The following SUSD1 variants were observed in gnomAD, a reference collection of about 807,000 sequenced individuals.
SUSD1 encodes the protein sushi domain containing 1, also known as sushi domain-containing protein 1.
In SUSD1, 65 loss-of-function variants were observed where a neutral mutation model predicts 86.9. The observed-to-expected ratio is 0.75, with a 90% CI of 0.61 to 0.92. The LOEUF (loss-of-function observed/expected upper bound fraction) is 0.92. Ranked by LOEUF, SUSD1 falls within the 40% of genes least tolerant of loss-of-function variation. The pLI, the probability that SUSD1 is intolerant of heterozygous loss-of-function variation, is 0.00. For synonymous variants in SUSD1, 346 were observed against 350.0 expected (o/e 0.99, Z 0.13); for missense variants, 850 against 929.7 (o/e 0.91, Z 1.11).
intron 6 of SUSD1, among the ~76,000 whole-genome samples, chr9:112,117,858 A>G (rs1831393683): frequency 6.6e-6 from 1 of 152,214 alleles, no homozygotes; most frequent in Non-Finnish European, 1.5e-5. Context: ...ATGACAGCTG[A>G]AACTGGAACA....
chr9:112,156,264 C>T (rs1177626518), intron 2 of SUSD1, among the ~76,000 whole-genome samples: 1 of 151,990 alleles, frequency 6.6e-6, no homozygotes, highest in East Asian at 1.9e-4. Flanking sequence ...GAGTTCGAGA[C>T]CAGCCTGCCC....
chr9:112,061,622 C>T (rs751624368), intron 13 of SUSD1, among the ~76,000 whole-genome samples: 12 of 152,192 alleles, frequency 7.9e-5, no homozygotes, highest in Non-Finnish European at 1.5e-4. Flanking sequence ...TTTATAATGA[C>T]AGAATTACAA....
chr9:112,111,864 A>G, intron 7 of SUSD1, 24 bp from the exon 8 acceptor site: 1 of 1,609,462 alleles, frequency 6.2e-7, no homozygotes, highest in Non-Finnish European at 8.5e-7. Context: ...AGACAAGAGA[A>G]CCCACTCTGA....
intron 12 of SUSD1, among the ~76,000 whole-genome samples, chr9:112,070,392 G>A (rs181812794): frequency 6.6e-6 from 1 of 152,336 alleles, no homozygotes; most frequent in Non-Finnish European, 1.5e-5. Context: ...CACATTTCGA[G>A]GTGGAACAAA....
chr9:112,102,033 A>G (rs368875859), intron 9 of SUSD1, 143 bp downstream of exon 9: 14 of 485,786 alleles, frequency 2.9e-5, no homozygotes, highest in East Asian at 1.0e-4. Flanking sequence ...CCCATCTCAC[A>G]TCTTACATCC....
chr9:112,099,451 C>A (rs1381391073), intron 9 of SUSD1, among the ~76,000 whole-genome samples: 6 of 151,596 alleles, frequency 4.0e-5, no homozygotes, highest in African/African-American at 7.3e-5. Flanking sequence ...AAAAAAAAAA[C>A]AAAAACATAT....
At chr9:112,154,319 C>A in intron 2 of SUSD1, among the ~76,000 whole-genome samples, 1 of 146,774 alleles carries the variant, frequency 6.8e-6, no homozygotes, top group South Asian at 2.1e-4. Flanking sequence ...CAAAACCCCA[C>A]CTCCACACAC....
intron 15 of SUSD1, among the ~76,000 whole-genome samples, chr9:112,047,296 T>C (rs1827997723): frequency 1.3e-5 from 2 of 151,960 alleles, no homozygotes; most frequent in African/African-American, 4.8e-5. Context: ...AGCAAGGGGG[T>C]AATTCATTCC....
chr9:112,169,806 C>A (rs554214337), intron 1 of SUSD1, among the ~76,000 whole-genome samples: 2 of 151,934 alleles, frequency 1.3e-5, no homozygotes, highest in Admixed American at 6.6e-5. Context: ...TCCTGAGTAG[C>A]TGGGATTACA....
intron 6 of SUSD1, among the ~76,000 whole-genome samples, chr9:112,120,500 C>A (rs1831508930): frequency 6.6e-6 from 1 of 152,206 alleles, no homozygotes; most frequent in Non-Finnish European, 1.5e-5. Context: ...ATGAATTAAT[C>A]AGCATGTAAA....
intron 9 of SUSD1, among the ~76,000 whole-genome samples, chr9:112,100,910 T>C (rs1830608623): frequency 6.9e-6 from 1 of 144,230 alleles, no homozygotes; most frequent in African/African-American, 2.6e-5. Context: ...TCTATTTTTA[T>C]ACTTATTTAC....
At chr9:112,146,637 T>TA (rs144208795) in intron 3 of SUSD1, among the ~76,000 whole-genome samples, 229 of 144,288 alleles carry the variant, frequency 1.6e-3, no homozygotes, top group African/African-American at 4.0e-3. Context: ...CTTCCTAACT[T>TA]AAAAAAAAAA....
chr9:112,091,487 T>A (rs1830203412), intron 10 of SUSD1, among the ~76,000 whole-genome samples: 1 of 152,226 alleles, frequency 6.6e-6, no homozygotes, highest in South Asian at 2.1e-4. Flanking sequence ...CCTTGTAGGA[T>A]TTTTTAAAAC....
At chr9:112,112,001 GC>G in intron 7 of SUSD1, 161 bp from the exon 8 acceptor site, 1 of 666,962 alleles carries the variant, frequency 1.5e-6, no homozygotes, top group Non-Finnish European at 2.5e-6. Context: ...AGTCTGATCA[GC>G]CCAGTGAATA....
rs571094911 is a variant in SUSD1, at chr9:112,163,120, C to T, written c.104-5507G>A. ...ACTTGTCTAGGGCAAGGTGCAGTGG[C>T]TCACACCTGTAATCTCATCACTTTG... On this transcript the variant is annotated intron_variant, in intron 1 of 16. Coordinates refer to ENST00000374270, the MANE Select transcript of SUSD1 (RefSeq NM_022486.5). Among the ~76,000 whole-genome samples the T allele has an allele frequency of 2.0e-5, 3 of 152,144 alleles. No homozygotes were observed. The South Asian group carries it at 6.2e-4, about 32-fold the overall frequency.
chr9:112,152,569 ATT>A (rs57257840), intron 2 of SUSD1, among the ~76,000 whole-genome samples: 43,643 of 122,122 alleles, frequency 0.36, 6,410 homozygotes, highest in East Asian at 0.42. Context: ...TGCCTGGATA[ATT>A]TTTTTTTTTT....
In SUSD1 at chr9:112,040,902, G is replaced by A. The variant is rs555636641; in HGVS notation, c.*590C>T. 1.3e-5 allele frequency: 2 copies of A among 154,124 alleles called. No homozygotes were observed. The highest frequency in any genetic ancestry group is 3.8e-4 in the East Asian group (2 of 5,242). 9.5% of individuals were successfully genotyped at this position (154,124 alleles called of 1,614,324 possible). A position where few individuals can be genotyped will look rare whatever the true frequency, so the allele number is the denominator to read the frequency against. The stretch of plus-strand genomic sequence containing the variant: ...AGCAGGAAACTTATTGGCATGGCCA[G>A]GCTAGTATATTTTCTCATTAGTATA... On this transcript the variant is annotated 3_prime_UTR_variant, in exon 17 of 17. Coordinates refer to ENST00000374270, the MANE Select transcript of SUSD1 (RefSeq NM_022486.5).
intron 5 of SUSD1, among the ~76,000 whole-genome samples, chr9:112,140,235 G>A (rs1344912907): frequency 7.8e-6 from 1 of 128,520 alleles, no homozygotes; most frequent in East Asian, 2.0e-4. Flanking sequence ...GGTGGCGGGC[G>A]CCTGTAGTCC....
In SUSD1 at chr9:112,124,525, A is replaced by G. The variant is rs1399400654; in HGVS notation, c.707-89T>C. 1.2e-5 allele frequency: 15 copies of G among 1,265,566 alleles called. No homozygotes were observed. In the Admixed American group the frequency reaches 3.9e-4, roughly 33 times the overall value. 78.4% of individuals were successfully genotyped at this position (1,265,566 alleles called of 1,614,324 possible). A position where few individuals can be genotyped will look rare whatever the true frequency, so the allele number is the denominator to read the frequency against. The stretch of plus-strand genomic sequence containing the variant: ...TTTAAAATAAATATTTAATAGTGAT[A>G]GAGGCCACTCAAACAGGAAAAGAGA... On this transcript the variant is annotated intron_variant, in intron 5 of 16. Coordinates refer to ENST00000374270, the MANE Select transcript of SUSD1 (RefSeq NM_022486.5).
Sources: gnomAD v4.1 joint callset for allele counts (sites outside exome capture counted in the v4.1 genomes callset) on GRCh38, gnomAD v4.1.1 for gene constraint, MANE v1.5 for transcripts, NCBI Gene and HGNC (gene_info 2026-07-23, HGNC 2026-07-21) for gene names.